The following PRDM16 variants were observed in gnomAD, a reference collection of about 807,000 sequenced individuals.
PRDM16 encodes histone-lysine N-methyltransferase PRDM16.
PRDM16 carries 23 observed loss-of-function variants against 110.6 expected under a neutral mutation model. The observed-to-expected ratio is 0.21, with a 90% CI of 0.15 to 0.29. PRDM16 has a LOEUF of 0.29. Ranked by LOEUF, PRDM16 falls within the 10% of genes least tolerant of loss-of-function variation. PRDM16 has a pLI of 1.00. For synonymous variants in PRDM16, 799 were observed against 781.8 expected (o/e 1.02, Z -0.37); for missense variants, 1,615 against 1,794.3 (o/e 0.90, Z 1.81).
chr1:3,330,859 T>A (rs1642027985), intron 3 of PRDM16, among the ~76,000 whole-genome samples: 1 of 152,160 alleles, frequency 6.6e-6, no homozygotes, highest in African/African-American at 2.4e-5. Context: ...AGGGCCCTCC[T>A]CCCTCTGCCT....
chr1:3,327,719 A>G (rs1641947642), intron 3 of PRDM16, among the ~76,000 whole-genome samples: 1 of 152,266 alleles, frequency 6.6e-6, no homozygotes, highest in East Asian at 1.9e-4. Flanking sequence ...GCCCACTCAA[A>G]GCGCCACCAC....
chr1:3,240,590 C>A (rs888148726), intron 2 of PRDM16, among the ~76,000 whole-genome samples: 3 of 152,190 alleles, frequency 2.0e-5, no homozygotes, highest in Non-Finnish European at 4.4e-5. Context: ...GAAGCAGCTC[C>A]GTGGCCGGGG....
At chr1:3,079,120 G>T (rs1641961488) in intron 1 of PRDM16, among the ~76,000 whole-genome samples, 1 of 152,232 alleles carries the variant, frequency 6.6e-6, no homozygotes, top group African/African-American at 2.4e-5. Flanking sequence ...ACTCCCTGCT[G>T]CCCACCGCCT....
Position 3,434,547 on chromosome 1 carries a change from A to G in PRDM16, c.*736A>G, listed in dbSNP as rs1638856892. On this transcript the variant is annotated 3_prime_UTR_variant, in exon 17 of 17. Coordinates refer to ENST00000270722, the MANE Select transcript of PRDM16 (RefSeq NM_022114.4). ...AAGAGGCGCGGGGCCACACCCGTGA[A>G]CCATGCAGACGGCCGAAGAAGTCTT... is the stretch of plus-strand genomic sequence containing the variant. The G allele has an allele frequency of 8.6e-6, 2 of 231,384 alleles. No individual in the cohort carries two copies. The highest frequency in any genetic ancestry group is 1.7e-5 in the Non-Finnish European group (2 of 116,964). 14.3% of individuals were successfully genotyped at this position (231,384 alleles called of 1,614,324 possible). A position where few individuals can be genotyped will look rare whatever the true frequency, so the allele number is the denominator to read the frequency against.
chr1:3,421,083 G>A (rs1369959191), intron 12 of PRDM16, among the ~76,000 whole-genome samples: 2 of 152,254 alleles, frequency 1.3e-5, no homozygotes, highest in East Asian at 1.9e-4. Flanking sequence ...GGGGCTGCAC[G>A]CGGCCCGTGC....
intron 3 of PRDM16, among the ~76,000 whole-genome samples, chr1:3,325,468 T>G (rs904243275): frequency 6.6e-6 from 1 of 152,186 alleles, no homozygotes; most frequent in Non-Finnish European, 1.5e-5. Context: ...CAAGTCCCAC[T>G]AGATGGTCCC....
At chr1:3,095,245 C>T (rs1642369567) in intron 1 of PRDM16, among the ~76,000 whole-genome samples, 1 of 152,232 alleles carries the variant, frequency 6.6e-6, no homozygotes, top group African/African-American at 2.4e-5. Flanking sequence ...CCTCAGCCAG[C>T]AGCCCTGCAG....
chr1:3,410,425 T>G (rs1293605270), intron 8 of PRDM16, among the ~76,000 whole-genome samples: 1 of 152,144 alleles, frequency 6.6e-6, no homozygotes, highest in East Asian at 1.9e-4. Flanking sequence ...GGATTTTCAC[T>G]TTTCTCAAGC....
chr1:3,338,373 G>A (rs56263528), intron 3 of PRDM16, among the ~76,000 whole-genome samples: 157 of 152,328 alleles, frequency 1.0e-3, no homozygotes, highest in African/African-American at 3.2e-3. Flanking sequence ...TGGCCTCTAG[G>A]CTTATCACAA....
intron 3 of PRDM16, among the ~76,000 whole-genome samples, chr1:3,251,439 C>T (rs1639930306): frequency 6.6e-6 from 1 of 152,170 alleles, no homozygotes; most frequent in African/African-American, 2.4e-5. Context: ...CTTGGCTGCT[C>T]TTTACTAGGT....
chr1:3,404,615 C>T (rs1569699930), intron 6 of PRDM16, 124 bp from the exon 7 acceptor site: 1 of 1,215,870 alleles, frequency 8.2e-7, no homozygotes, highest in South Asian at 1.4e-5. Flanking sequence ...AGCATGTGCT[C>T]TGATCCCTCG....
chr1:3,408,972 T>C (rs1410811333), intron 8 of PRDM16, among the ~76,000 whole-genome samples: 5 of 147,610 alleles, frequency 3.4e-5, no homozygotes, highest in African/African-American at 1.0e-4. Flanking sequence ...AGTGCATGTG[T>C]TGGCACGTGT....
intron 3 of PRDM16, among the ~76,000 whole-genome samples, chr1:3,321,211 C>T (rs1641733872): frequency 6.6e-6 from 1 of 151,470 alleles, no homozygotes; most frequent in Admixed American, 6.5e-5. Flanking sequence ...CCCGGGTGGG[C>T]TGATGGGGGA....
At chr1:3,073,012 G>A (rs964198547) in intron 1 of PRDM16, among the ~76,000 whole-genome samples, 18 of 152,234 alleles carry the variant, frequency 1.2e-4, no homozygotes, top group Non-Finnish European at 1.8e-4. Context: ...TGCCTGGCTC[G>A]CCAACCACCA....
chr1:3,102,855 A>G (rs1255928003), intron 1 of PRDM16, among the ~76,000 whole-genome samples: 2 of 152,354 alleles, frequency 1.3e-5, no homozygotes, highest in South Asian at 2.1e-4. Flanking sequence ...TCCAGAGCAG[A>G]TGCTCAGGTG....
At position 3,412,074 on chromosome 1, in the gene PRDM16, A is replaced by C; in HGVS notation, c.1877A>C (p.Asp626Ala). 4.4e-6 allele frequency: 7 copies of C among 1,601,522 alleles called. No individual in the cohort carries two copies. The highest frequency in any genetic ancestry group is 6.0e-6 in the Non-Finnish European group (7 of 1,172,316). ...ACCACGGGGACGGGCTCGGACCTGG[A>C]CAGCGACGTGGACAGCGACCCTGAC... Reference protein sequence around the residue: ...DTTTGTGSDLDSDVDSDPDKD... With the variant: ...DTTTGTGSDLASDVDSDPDKD... The change falls in exon 9 of 17, where the codon GAC becomes GCC. Residue 626 changes from aspartate (D) to alanine (A), a missense_variant. By Grantham distance (126) the Asp-to-Ala change is moderately radical. Around this residue, in one of 5 missense-constraint regions of PRDM16, gnomAD observed 772 missense variants for 748.3 expected, o/e 1.03. Coordinates refer to ENST00000270722, the MANE Select transcript of PRDM16 (RefSeq NM_022114.4).
At chr1:3,262,874 G>A (rs1028166335) in intron 3 of PRDM16, among the ~76,000 whole-genome samples, 12 of 152,300 alleles carry the variant, frequency 7.9e-5, no homozygotes, top group Non-Finnish European at 1.5e-4. Context: ...CGCGCATGGG[G>A]TCCCAGGGAG....
chr1:3,181,256 GCA>G (rs1644168822), intron 1 of PRDM16, among the ~76,000 whole-genome samples: 2 of 67,094 alleles, frequency 3.0e-5, no homozygotes, highest in Non-Finnish European at 8.4e-5. Context: ...TCTTACACAC[GCA>G]GTCTTACACA....
intron 1 of PRDM16, among the ~76,000 whole-genome samples, chr1:3,083,287 G>A (rs926802519): frequency 3.9e-5 from 6 of 152,200 alleles, no homozygotes; most frequent in Non-Finnish European, 7.4e-5. Context: ...GCTGGGCCCC[G>A]GAACTGCACA....
Sources: gnomAD v4.1 joint callset for allele counts (sites outside exome capture counted in the v4.1 genomes callset) on GRCh38, gnomAD v4.1.1 for gene constraint, gnomAD v4.1.1 regional missense constraint, MANE v1.5 for transcripts, NCBI Gene and HGNC (gene_info 2026-07-23, HGNC 2026-07-21) for gene names.